TACC2: variants seen among roughly 807,000 people sequenced by gnomAD.
The protein encoded by TACC2 is transforming acidic coiled-coil containing protein 2.
A neutral mutation model predicts 227.3 loss-of-function variants in TACC2; 137 were observed. The observed-to-expected ratio is 0.60, with a 90% CI of 0.52 to 0.69. TACC2 has a LOEUF of 0.69. Ranked by LOEUF, TACC2 falls within the 30% of genes least tolerant of loss-of-function variation. The pLI, the probability that TACC2 is intolerant of heterozygous loss-of-function variation, is 0.00. For synonymous variants in TACC2, 1,523 were observed against 1,487.5 expected, an observed-to-expected ratio of 1.02 and a Z score of -0.55; for missense variants, 3,470 against 3,694.4, an observed-to-expected ratio of 0.94 and a Z score of 1.57.
intron 5 of TACC2, among the ~76,000 whole-genome samples, chr10:122,122,491 C>CT (rs368366143): frequency 0.022 from 3,218 of 147,924 alleles, 83 homozygotes; most frequent in African/African-American, 0.062. Flanking sequence ...AAAATAATTC[C>CT]TTTTTTTTTT....
At chr10:122,160,783 A>C (rs1400607024) in intron 7 of TACC2, among the ~76,000 whole-genome samples, 1 of 152,138 alleles carries the variant, frequency 6.6e-6, no homozygotes, top group Admixed American at 6.6e-5. Context: ...AGGCCGAGTT[A>C]CTAGATCACC....
intron 7 of TACC2, among the ~76,000 whole-genome samples, chr10:122,147,984 T>G (rs1440775247): frequency 6.6e-6 from 1 of 152,160 alleles, no homozygotes; most frequent in Non-Finnish European, 1.5e-5. Context: ...ATCAACCGTG[T>G]TTTTTCCCTT....
intron 7 of TACC2, among the ~76,000 whole-genome samples, chr10:122,169,795 G>T (rs774815267): frequency 6.6e-6 from 1 of 152,138 alleles, no homozygotes; most frequent in Non-Finnish European, 1.5e-5. Flanking sequence ...CTGTCACCCA[G>T]ACTGGAGCAC....
At chr10:122,223,839 C>T (rs984168667) in intron 11 of TACC2, among the ~76,000 whole-genome samples, 1 of 152,190 alleles carries the variant, frequency 6.6e-6, no homozygotes, top group African/African-American at 2.4e-5. Context: ...TCACTCTTCA[C>T]CTCTTGGTTT....
intron 6 of TACC2, 112 bp downstream of exon 6, chr10:122,132,846 C>T: frequency 1.8e-6 from 2 of 1,127,426 alleles, no homozygotes; most frequent in Non-Finnish European, 2.6e-6. Context: ...CCTGCAGTTT[C>T]ACCCCCTCTG....
At position 122,086,518 on chromosome 10, in the gene TACC2, C is replaced by T; in HGVS notation, c.4018C>T (p.Gln1340Ter). Reference protein sequence around the residue: ...DRMPLLAKGKQATGEEKAATA... With the variant: ...DRMPLLAKGK ...GATGCCACTTCTGGCCAAGGGCAAG[C>T]AGGCAACAGGGGAAGAGAAAGCAGC... The change falls in exon 4 of 23, where the codon CAG (glutamine) becomes TAG (stop). Residue 1340 changes from glutamine (Q) to a stop codon, truncating the protein, a stop_gained. Coordinates refer to ENST00000369005, the MANE Select transcript of TACC2 (RefSeq NM_206862.4). LOFTEE classifies it high-confidence loss of function. The T allele has an allele frequency of 6.2e-7, 1 of 1,612,520 alleles. No individual in the cohort carries two copies. The highest frequency in any genetic ancestry group is 1.1e-5 in the South Asian group (1 of 90,884).
intron 16 of TACC2, among the ~76,000 whole-genome samples, chr10:122,233,779 G>A (rs1357856407): frequency 6.6e-6 from 1 of 152,192 alleles, no homozygotes; most frequent in Admixed American, 6.5e-5. Flanking sequence ...GCTGGAGGCT[G>A]TGTCTTGACT....
chr10:122,169,641 A>G (rs2093367745), intron 7 of TACC2, among the ~76,000 whole-genome samples: 1 of 152,190 alleles, frequency 6.6e-6, no homozygotes, highest in African/African-American at 2.4e-5. Context: ...GGCCTGGGCA[A>G]TCTTTGTTTT....
At chr10:122,108,049 G>A (rs1043921363) in intron 5 of TACC2, among the ~76,000 whole-genome samples, 2 of 151,010 alleles carry the variant, frequency 1.3e-5, no homozygotes, top group South Asian at 2.1e-4. Flanking sequence ...CCACCACCAC[G>A]CCCGGCTAAT....
At chr10:122,213,678 A>T (rs1168527815) in intron 9 of TACC2, among the ~76,000 whole-genome samples, 1 of 152,058 alleles carries the variant, frequency 6.6e-6, no homozygotes, top group Non-Finnish European at 1.5e-5. Context: ...GAAATCAAAC[A>T]TTTTTTTTAA....
At chr10:122,045,144 A>C (rs1383682366) in intron 2 of TACC2, among the ~76,000 whole-genome samples, 1 of 152,306 alleles carries the variant, frequency 6.6e-6, no homozygotes. Flanking sequence ...CACCAGACTA[A>C]ATAAGAATAA....
rs1171042722 is a variant in TACC2 at position 122,084,644 on chromosome 10, C to G, written c.2144C>G (p.Thr715Ser). 6.2e-7 allele frequency: 1 copy of G among 1,613,784 alleles called. No individual in the cohort carries two copies. Among genetic ancestry groups the G allele is most frequent in the East Asian group, 2.2e-5 (1 of 44,872 alleles). ...EGLGRMESFLTLESEKSDFPP... is the reference protein window; with the variant it reads ...EGLGRMESFLSLESEKSDFPP... ...TTGGGAAGAATGGAGTCTTTCCTGA[C>G]TTTAGAATCAGAGAAATCAGATTTT... The change falls in exon 4 of 23, where the codon ACT becomes AGT. Residue 715 changes from threonine to serine, a missense_variant. Transcript: ENST00000369005.
intron 16 of TACC2, among the ~76,000 whole-genome samples, chr10:122,233,145 C>G (rs928927079): frequency 6.6e-5 from 10 of 152,118 alleles, no homozygotes; most frequent in Non-Finnish European, 1.2e-4. Context: ...TCCTTAGGGG[C>G]CGGGGTGTCA....
intron 2 of TACC2, among the ~76,000 whole-genome samples, chr10:122,033,614 T>C (rs1229916879): frequency 6.6e-6 from 1 of 152,212 alleles, no homozygotes; most frequent in Admixed American, 6.5e-5. Flanking sequence ...CATGCAACAA[T>C]GTGCTAGCTG....
Position 122,196,235 on chromosome 10 carries a change from G to A in TACC2, c.5971+1059G>A, listed in dbSNP as rs185945345. Among the ~76,000 whole-genome samples the A allele has an allele frequency of 6.6e-5, 10 of 152,310 alleles. No homozygotes were observed. In the East Asian group the frequency reaches 1.5e-3, roughly 24 times the overall value. On this transcript the variant is annotated intron_variant, in intron 8 of 22. Transcript: ENST00000369005. ...GAAATGGGTGGAATTCTTTTTATCCGCCGTGGGTTCGAGCAGCCCGTTGTT... is the reference window on the plus strand; with the variant it reads ...GAAATGGGTGGAATTCTTTTTATCCACCGTGGGTTCGAGCAGCCCGTTGTT...
intron 5 of TACC2, among the ~76,000 whole-genome samples, chr10:122,112,294 C>T (rs2083747572): frequency 6.6e-6 from 1 of 152,154 alleles, no homozygotes; most frequent in Admixed American, 6.5e-5. Flanking sequence ...GTGTGAGGTC[C>T]ATGTCAGTGA....
chr10:122,249,622 G>T lies in TACC2; in HGVS notation c.8739G>T (p.Glu2913Asp). ...QAAHQASLRK[E>D]QLRVDALERT... Reference sequence around the variant, plus strand: ...CCCACCAGGCCAGCCTGCGGAAGGAGCAGCTGCGAGTGGACGCCCTGGAAA... The same window carrying T: ...CCCACCAGGCCAGCCTGCGGAAGGATCAGCTGCGAGTGGACGCCCTGGAAA... The change falls in exon 22 of 23, where the codon GAG (glutamate) becomes GAT (aspartate). Residue 2913 changes from glutamate to aspartate, a missense_variant. Around this residue, in one of 10 missense-constraint regions of TACC2, gnomAD observed 89 missense variants for 91.4 expected, o/e 0.97. Transcript: ENST00000369005. 6.2e-7 allele frequency: 1 copy of T among 1,613,958 alleles called. No individual in the cohort carries two copies. Among genetic ancestry groups the T allele is most frequent in the Non-Finnish European group, 8.5e-7 (1 of 1,179,956 alleles).
chr10:122,077,704 A>C (rs1446407031), intron 3 of TACC2, among the ~76,000 whole-genome samples: 2 of 152,216 alleles, frequency 1.3e-5, no homozygotes, highest in Non-Finnish European at 2.9e-5. Context: ...GGAATGCTGC[A>C]CTTGTTCGGT....
chr10:122,001,603 T>A (rs1275731594), intron 1 of TACC2, among the ~76,000 whole-genome samples: 1 of 152,216 alleles, frequency 6.6e-6, no homozygotes, highest in Non-Finnish European at 1.5e-5. Flanking sequence ...AGTATCCTTA[T>A]CATACAAAAA....
Sources: gnomAD v4.1 joint callset for allele counts (sites outside exome capture counted in the v4.1 genomes callset) on GRCh38, gnomAD v4.1.1 for gene constraint, gnomAD v4.1.1 regional missense constraint, MANE v1.5 for transcripts, NCBI Gene and HGNC (gene_info 2026-07-23, HGNC 2026-07-21) for gene names.